Variants in GOLGA5 observed in about 807,000 individuals in gnomAD.
GOLGA5 encodes the protein golgin A5, also known as golgin subfamily A member 5.
Under a neutral mutation model 93.5 loss-of-function variants are expected in GOLGA5, and 50 were observed. That is an observed-to-expected ratio of 0.53 (90% confidence interval 0.43 to 0.68). The LOEUF (loss-of-function observed/expected upper bound fraction) is 0.68. Among genes scored for constraint, GOLGA5 ranks in the 30% least tolerant of loss-of-function variants. The probability of loss-of-function intolerance (pLI) is 0.00; values close to 1 mark genes in which losing one functional copy is unlikely to be tolerated. For synonymous variants in GOLGA5, 312 were observed against 304.5 expected (o/e 1.02, Z -0.26); for missense variants, 760 against 856.4 (o/e 0.89, Z 1.40).
At position 92,833,234 on chromosome 14, in the gene GOLGA5, A is replaced by T; in HGVS notation, c.1832A>T (p.Glu611Val). 1 of 1,613,790 alleles carries T rather than the reference A, an allele frequency of 6.2e-7. No homozygotes were observed. Among genetic ancestry groups the T allele is most frequent in the East Asian group, 2.2e-5 (1 of 44,880 alleles). ...ACCATGCTGGAGAGTCTCAGCACAGAAAAGAACTCCCTGGTCTTTCAACTG... is the reference window on the plus strand; with the variant it reads ...ACCATGCTGGAGAGTCTCAGCACAGTAAAGAACTCCCTGGTCTTTCAACTG... ...KQTMLESLST[E>V]KNSLVFQLER... The change falls in exon 10 of 13, where the codon GAA becomes GTA. Residue 611 changes from glutamate to valine, a missense_variant. Transcript: ENST00000163416.
chr14:92,834,472 T>C (rs915207065), intron 10 of GOLGA5, among the ~76,000 whole-genome samples: 1 of 152,090 alleles, frequency 6.6e-6, no homozygotes. Flanking sequence ...GTCACTTCTT[T>C]AAAGTCCCAA....
chr14:92,819,950 C>G lies in GOLGA5; in HGVS notation c.1620+114C>G, dbSNP rs548644615. The stretch of plus-strand genomic sequence containing the variant: ...TTAGAGTATGGGCTTAGGGTTACCC[C>G]ACAAGTTCCTCCTGCCTTCCCATCT... On this transcript the variant is annotated intron_variant, in intron 8 of 12. Transcript: ENST00000163416. 2.3e-3 allele frequency: 1,990 copies of G among 856,612 alleles called. 4 individuals carry two copies. The highest frequency in any genetic ancestry group is 3.0e-3 in the Non-Finnish European group (1,709 of 566,904). The allele number at this position is 856,612 out of a possible 1,614,324, so 53.1% of individuals were successfully genotyped here. A position where few individuals can be genotyped will look rare whatever the true frequency, so the allele number is the denominator to read the frequency against.
intron 2 of GOLGA5, among the ~76,000 whole-genome samples, chr14:92,800,028 T>C (rs1482828725): frequency 4.6e-5 from 7 of 152,326 alleles, no homozygotes; most frequent in African/African-American, 1.4e-4. Context: ...GACAAAAACT[T>C]GTATAGAAGA....
At chr14:92,802,860 G>C (rs2402195) in intron 2 of GOLGA5, among the ~76,000 whole-genome samples, 111,314 of 151,052 alleles carry the variant, frequency 0.74, 41,429 homozygotes, top group East Asian at 0.85. Flanking sequence ...CAAACTCCTG[G>C]CTCAAGTAAT....
intron 2 of GOLGA5, among the ~76,000 whole-genome samples, chr14:92,806,405 C>G (rs1595592428): frequency 1.3e-5 from 2 of 152,166 alleles, no homozygotes; most frequent in Admixed American, 1.3e-4. Context: ...TTTGGCCTCC[C>G]AGGCTCAAGT....
At position 92,809,720 on chromosome 14, in the gene GOLGA5, G is replaced by A. The variant is rs1174645896; in HGVS notation, c.992+201G>A. 3.3e-5 allele frequency among the ~76,000 whole-genome samples: 5 copies of A among 152,148 alleles called. No homozygotes were observed. The East Asian group carries it at 7.7e-4, about 23-fold the overall frequency. ...TGTAATCCTAGCACTTTGGGAAGCC[G>A]AGGCAGGTGGATCACCTGAGGTTGG... is the stretch of plus-strand genomic sequence containing the variant. On this transcript the variant is annotated intron_variant, in intron 4 of 12. Transcript: ENST00000163416.
intron 8 of GOLGA5, among the ~76,000 whole-genome samples, chr14:92,820,258 CTG>C (rs1566957861): frequency 1.3e-5 from 2 of 152,194 alleles, no homozygotes; most frequent in East Asian, 1.9e-4. Context: ...GCAAAGGAAT[CTG>C]TGTCACAAAT....
intron 4 of GOLGA5, among the ~76,000 whole-genome samples, chr14:92,809,865 G>A (rs1885068869): frequency 6.6e-6 from 1 of 152,204 alleles, no homozygotes; most frequent in Non-Finnish European, 1.5e-5. Flanking sequence ...AGGCGAGGCA[G>A]CAGAATCACT....
Position 92,797,556 on chromosome 14 carries a change from C to G in GOLGA5, c.119C>G (p.Thr40Ser), listed in dbSNP as rs749480282. 2 of 1,612,758 alleles carry G rather than the reference C, an allele frequency of 1.2e-6. No homozygotes were observed. Among genetic ancestry groups the G allele is most frequent in the East Asian group, 4.5e-5 (2 of 44,890 alleles). The change falls in exon 2 of 13, where the codon ACT (threonine) becomes AGT (serine). Residue 40 changes from threonine to serine, a missense_variant. Physicochemically the swap from Thr to Ser is moderately conservative, Grantham distance 58. Transcript: ENST00000163416. ...DNASNIYSKN[T>S]DYTELHQQNT... ...GCCAGCAACATATATAGCAAAAATA[C>G]TGACTATACTGAACTTCACCAGCAA...
At chr14:92,835,427 A>G (rs1885620104) in intron 10 of GOLGA5, 132 bp from the exon 11 acceptor site, 2 of 488,950 alleles carry the variant, frequency 4.1e-6, no homozygotes, top group Admixed American at 3.3e-5. Flanking sequence ...TTATAGTTTC[A>G]TCTACTTTGG....
chr14:92,811,791 T>G (rs1885107843), intron 6 of GOLGA5, 37 bp downstream of exon 6: 11 of 1,459,652 alleles, frequency 7.5e-6, no homozygotes, highest in Admixed American at 1.7e-5. Flanking sequence ...TGTTAAGATG[T>G]GCAAGTTAAC....
chr14:92,794,675 T>TG (rs1363136471), intron 1 of GOLGA5, among the ~76,000 whole-genome samples: 1 of 152,212 alleles, frequency 6.6e-6, no homozygotes, highest in African/African-American at 2.4e-5. Flanking sequence ...TCCTGACCCC[T>TG]GCCTGGCCTG....
Position 92,820,144 on chromosome 14 carries a change from G to A in GOLGA5, c.1620+308G>A, listed in dbSNP as rs573496145. Among the ~76,000 whole-genome samples, 18 of 152,328 alleles carry A rather than the reference G, an allele frequency of 1.2e-4. No homozygotes were observed. The South Asian group carries it at 2.9e-3, about 25-fold the overall frequency. On this transcript the variant is annotated intron_variant, in intron 8 of 12. Coordinates refer to ENST00000163416, the MANE Select transcript of GOLGA5 (RefSeq NM_005113.4). ...GACCTTCACCGGCACCGGTCTCTGC[G>A]TTCCCTCAGTATTTATTGATCACTG...
In GOLGA5 at chr14:92,809,373, A is replaced by G. The variant is rs764645566; in HGVS notation, c.846A>G (p.Gly282=). The stretch of plus-strand genomic sequence containing the variant: ...CAAAGAGTGATCGAATGACTCGAGG[A>G]CTCCGAGCCCAAGTAGATGACCTGA... ...DHSKSDRMTR[G]LRAQVDDLTE... Residue 282 remains glycine (G), a synonymous_variant, in exon 4 of 13, where the codon GGA becomes GGG. Coordinates refer to ENST00000163416, the MANE Select transcript of GOLGA5 (RefSeq NM_005113.4). 6 of 1,613,458 alleles carry G rather than the reference A, an allele frequency of 3.7e-6. No individual in the cohort carries two copies. The Admixed American group carries it at 8.3e-5, about 22-fold the overall frequency.
chr14:92,837,563 A>AT (rs1308023929), intron 12 of GOLGA5, 114 bp downstream of exon 12: 233 of 645,468 alleles, frequency 3.6e-4, no homozygotes, highest in Non-Finnish European at 4.2e-4. Context: ...CAATCAATCA[A>AT]TTTTTTTTTG....
At chr14:92,837,013 G>A (rs1448477417) in intron 11 of GOLGA5, among the ~76,000 whole-genome samples, 3 of 152,160 alleles carry the variant, frequency 2.0e-5, no homozygotes, top group East Asian at 3.9e-4. Context: ...AGAGGTTGCC[G>A]TGGGCAGAGA....
intron 1 of GOLGA5, among the ~76,000 whole-genome samples, chr14:92,796,315 C>G (rs1459836905): frequency 6.6e-6 from 1 of 152,210 alleles, no homozygotes. Context: ...GCTGCTGTAG[C>G]AAAGTACCAC....
chr14:92,835,163 T>C (rs1182629119), intron 10 of GOLGA5, among the ~76,000 whole-genome samples: 3 of 152,130 alleles, frequency 2.0e-5, no homozygotes, highest in Non-Finnish European at 4.4e-5. Flanking sequence ...AATAGGCAGT[T>C]GGATGAGTCT....
At chr14:92,805,367 C>T (rs1884962748) in intron 2 of GOLGA5, among the ~76,000 whole-genome samples, 1 of 152,144 alleles carries the variant, frequency 6.6e-6, no homozygotes, top group Non-Finnish European at 1.5e-5. Flanking sequence ...TATTATACGG[C>T]TGTACCACAG....
Sources: allele counts gnomAD v4.1 joint callset (sites outside exome capture counted in the v4.1 genomes callset), GRCh38; gene constraint gnomAD v4.1.1; transcripts MANE v1.5; gene names NCBI Gene and HGNC (gene_info 2026-07-23, HGNC 2026-07-21).